The following MEGF10 variants were observed in gnomAD, a reference collection of about 807,000 sequenced individuals.
MEGF10 encodes multiple epidermal growth factor-like domains protein 10.
Under a neutral mutation model 147.5 loss-of-function variants are expected in MEGF10, and 86 were observed. The ratio of observed to expected loss-of-function variants is 0.58; its 90% confidence interval spans 0.49 to 0.70. The LOEUF is 0.70. MEGF10 is among the 30% of genes least tolerant of loss of function. The probability of loss-of-function intolerance (pLI) is 0.00; values close to 1 mark genes in which losing one functional copy is unlikely to be tolerated. For missense variants in MEGF10, 1,329 were observed against 1,487.3 expected (o/e 0.89, Z 1.75); for synonymous variants, 478 against 525.5 (o/e 0.91, Z 1.24).
At chr5:127,282,581 T>G in the MEGF10 span, among the ~76,000 whole-genome samples, 7 of 152,262 alleles carry the variant, frequency 4.6e-5, no homozygotes, top group African/African-American at 1.7e-4. Context: ...TAGAATCTAT[T>G]GCATTGGTGC....
chr5:127,340,088 T>G (rs78120546), intron 3 of MEGF10, among the ~76,000 whole-genome samples: 1 of 152,150 alleles, frequency 6.6e-6, no homozygotes, highest in Non-Finnish European at 1.5e-5. Context: ...GCCCAGGATA[T>G]AGTAAGTGCT....
intron 9 of MEGF10, among the ~76,000 whole-genome samples, chr5:127,411,935 C>A (rs1421744986): frequency 6.6e-6 from 1 of 152,110 alleles, no homozygotes; most frequent in African/African-American, 2.4e-5. Flanking sequence ...CAACTGAAAT[C>A]AAATGGAATA....
intron 19 of MEGF10, among the ~76,000 whole-genome samples, chr5:127,443,711 G>A (rs1765839564): frequency 6.6e-6 from 1 of 152,038 alleles, no homozygotes; most frequent in Admixed American, 6.6e-5. Context: ...GTCTGGCTTT[G>A]TTTACTCAGC....
chr5:127,427,002 C>G (rs1445398906), intron 13 of MEGF10, among the ~76,000 whole-genome samples: 1 of 152,216 alleles, frequency 6.6e-6, no homozygotes, highest in Non-Finnish European at 1.5e-5. Flanking sequence ...ATTATGGAGC[C>G]TCTGCCCATC....
rs148943224 is a variant in MEGF10, at chr5:127,346,415, C to T, written c.319+5785C>T. Reference sequence around the variant, plus strand: ...TATGGCCATTCTTGCAGGAGTAAGGCGGTATCATATTATGGTTTTGATTTG... The same window carrying T: ...TATGGCCATTCTTGCAGGAGTAAGGTGGTATCATATTATGGTTTTGATTTG... On this transcript the variant is annotated intron_variant, in intron 4 of 24. Transcript: ENST00000503335. Among the ~76,000 whole-genome samples the T allele has an allele frequency of 8.9e-3, 1,360 of 152,004 alleles. 24 individuals carry two copies. Among genetic ancestry groups the T allele is most frequent in the African/African-American group, 0.031 (1,283 of 41,512 alleles).
chr5:127,426,274 T>C (rs1765208827), intron 13 of MEGF10, among the ~76,000 whole-genome samples: 1 of 152,234 alleles, frequency 6.6e-6, no homozygotes. Context: ...TTTTTATTTC[T>C]ATTATAATTG....
intron 5 of MEGF10, among the ~76,000 whole-genome samples, chr5:127,391,155 T>C (rs2008432): frequency 0.066 from 1,073 of 16,260 alleles, 26 homozygotes; most frequent in African/African-American, 0.086. Context: ...CACACACACA[T>C]ACATGCTTAT....
At chr5:127,454,728 T>G in intron 23 of MEGF10, 118 bp downstream of exon 23, 1 of 884,272 alleles carries the variant, frequency 1.1e-6, no homozygotes, top group Non-Finnish European at 1.7e-6. Context: ...ATTTTTAGTG[T>G]GGTCAGTTAC....
chr5:127,232,863 G>A, the MEGF10 span, among the ~76,000 whole-genome samples: 1 of 152,076 alleles, frequency 6.6e-6, no homozygotes, highest in Non-Finnish European at 1.5e-5. Flanking sequence ...AGGAAGAAAA[G>A]CGAAATGTCT....
At chr5:127,295,970 T>C (rs1229035075) in intron 1 of MEGF10, among the ~76,000 whole-genome samples, 2 of 152,234 alleles carry the variant, frequency 1.3e-5, no homozygotes, top group Non-Finnish European at 2.9e-5. Flanking sequence ...TTAACTGCTC[T>C]CCTAATCTCT....
chr5:127,235,955 T>C, the MEGF10 span, among the ~76,000 whole-genome samples: 1 of 147,740 alleles, frequency 6.8e-6, no homozygotes, highest in African/African-American at 2.5e-5. Context: ...ATTACTGAAG[T>C]GGGTTAGCCC....
At chr5:127,299,745 G>T (rs915896386) in intron 1 of MEGF10, among the ~76,000 whole-genome samples, 39 of 146,148 alleles carry the variant, frequency 2.7e-4, no homozygotes, top group Non-Finnish European at 1.7e-4. Flanking sequence ...TTTCCTTTTT[G>T]TTTTTTTTTT....
the MEGF10 span, among the ~76,000 whole-genome samples, chr5:127,247,287 G>C: frequency 5.9e-5 from 7 of 118,070 alleles, no homozygotes; most frequent in Non-Finnish European, 1.1e-4. Context: ...GTGTGGTTGG[G>C]GGGTGGGGGA....
intron 4 of MEGF10, among the ~76,000 whole-genome samples, chr5:127,364,717 T>G (rs1762594525): frequency 6.6e-6 from 1 of 152,336 alleles, no homozygotes; most frequent in South Asian, 2.1e-4. Flanking sequence ...AAGTATATCT[T>G]GGAAGTCAAC....
At chr5:127,423,030 ATTGCT>A (rs1370028775) in intron 13 of MEGF10, among the ~76,000 whole-genome samples, 1 of 152,200 alleles carries the variant, frequency 6.6e-6, no homozygotes, top group Non-Finnish European at 1.5e-5. Flanking sequence ...GAAAATGTGA[ATTGCT>A]TTGAAGAGTT....
chr5:127,455,843 C>T (rs1766343964), intron 24 of MEGF10, among the ~76,000 whole-genome samples: 1 of 151,972 alleles, frequency 6.6e-6, no homozygotes, highest in Non-Finnish European at 1.5e-5. Flanking sequence ...GGGCTCAAGC[C>T]ATCCTCCCAC....
At chr5:127,454,640 A>T (rs1000893932) in intron 23 of MEGF10, 30 bp downstream of exon 23, 5 of 1,582,390 alleles carry the variant, frequency 3.2e-6, no homozygotes, top group South Asian at 2.3e-5. Context: ...AAGAAATCAG[A>T]AGCACAATTA....
intron 1 of MEGF10, among the ~76,000 whole-genome samples, chr5:127,318,949 A>G (rs1438926052): frequency 6.6e-6 from 1 of 152,170 alleles, no homozygotes; most frequent in East Asian, 1.9e-4. Flanking sequence ...ACATTTTTCA[A>G]TAAACTTTTA....
intron 1 of MEGF10, among the ~76,000 whole-genome samples, chr5:127,329,158 G>C (rs1038352642): frequency 4.0e-5 from 6 of 151,766 alleles, no homozygotes; most frequent in Admixed American, 3.9e-4. Flanking sequence ...ATAATGTTAA[G>C]CTTCAGATTT....
Sources: gnomAD v4.1 joint callset for allele counts (sites outside exome capture counted in the v4.1 genomes callset) on GRCh38, gnomAD v4.1.1 for gene constraint, MANE v1.5 for transcripts, NCBI Gene and HGNC (gene_info 2026-07-23, HGNC 2026-07-21) for gene names.